Variants in RC3H1 observed in about 807,000 individuals in gnomAD.
The protein encoded by RC3H1 is roquin-1.
In RC3H1, 50 loss-of-function variants were observed where a neutral mutation model predicts 138.2. The ratio of observed to expected loss-of-function variants is 0.36; its 90% CI spans 0.29 to 0.46. The LOEUF is 0.46. RC3H1 is among the 20% of genes least tolerant of loss of function. The pLI is 1.00. For synonymous variants in RC3H1, 462 were observed against 489.1 expected (o/e 0.94, Z 0.73); for missense variants, 1,031 against 1,388.1 (o/e 0.74, Z 4.09).
In RC3H1 at chr1:173,947,595, C is replaced by T; in HGVS notation, c.2524-13G>A. On this transcript the variant is annotated splice_polypyrimidine_tract_variant and intron_variant, in intron 14 of 19. Transcript: ENST00000367696. ...TACTCTCCACATTCTGATAAAAAAG[C>T]AAAATGAGAAATTACCCCACACTCA... 6.2e-7 allele frequency: 1 copy of T among 1,607,746 alleles called. No homozygotes were observed. Among genetic ancestry groups the T allele is most frequent in the Non-Finnish European group, 8.5e-7 (1 of 1,174,616 alleles).
At chr1:173,979,711 C>T (rs1660726558) in intron 6 of RC3H1, among the ~76,000 whole-genome samples, 1 of 152,122 alleles carries the variant, frequency 6.6e-6, no homozygotes, top group South Asian at 2.1e-4. Flanking sequence ...GAAAGGTACT[C>T]CTCTAATAGA....
intron 1 of RC3H1, among the ~76,000 whole-genome samples, chr1:173,995,396 G>A (rs1030340167): frequency 2.6e-4 from 40 of 151,894 alleles, no homozygotes; most frequent in Non-Finnish European, 1.5e-5. Context: ...AGCCAGGCAT[G>A]GGGGCACAAT....
intron 1 of RC3H1, among the ~76,000 whole-genome samples, chr1:173,994,796 C>CA (rs984715226): frequency 0.14 from 9,322 of 66,572 alleles, 533 homozygotes; most frequent in East Asian, 0.47. Context: ...GACCCCATCT[C>CA]AAAAAAAAAA....
At chr1:173,973,240 C>G (rs1298193932) in intron 7 of RC3H1, among the ~76,000 whole-genome samples, 1 of 152,042 alleles carries the variant, frequency 6.6e-6, no homozygotes, top group Non-Finnish European at 1.5e-5. Flanking sequence ...AAACAAAAAG[C>G]TTAAAAAGTT....
At chr1:173,980,278 TGGG>T (rs1283861460) in intron 6 of RC3H1, among the ~76,000 whole-genome samples, 1 of 127,822 alleles carries the variant, frequency 7.8e-6, no homozygotes. Flanking sequence ...AAAAAAAAGG[TGGG>T]GGGGAATAGT....
intron 1 of RC3H1, among the ~76,000 whole-genome samples, chr1:174,010,790 T>C (rs911959732): frequency 6.6e-6 from 1 of 152,136 alleles, no homozygotes; most frequent in Non-Finnish European, 1.5e-5. Context: ...CATCAAATTC[T>C]TCCATGACAA....
At chr1:173,976,382 G>C (rs1310143657) in intron 7 of RC3H1, among the ~76,000 whole-genome samples, 1 of 151,946 alleles carries the variant, frequency 6.6e-6, no homozygotes, top group Non-Finnish European at 1.5e-5. Flanking sequence ...GCTTGAACCA[G>C]GCAGAGGTTG....
intron 18 of RC3H1, among the ~76,000 whole-genome samples, chr1:173,942,200 C>G (rs1658902875): frequency 2.6e-5 from 4 of 151,128 alleles, no homozygotes; most frequent in South Asian, 2.1e-4. Context: ...TGAGATCGTG[C>G]CACTGCACAC....
intron 17 of RC3H1, among the ~76,000 whole-genome samples, chr1:173,944,908 T>TC (rs1235901736): frequency 1.3e-5 from 2 of 151,942 alleles, no homozygotes; most frequent in Non-Finnish European, 2.9e-5. Context: ...TAACTTTTTT[T>TC]CCCCCCTAAA....
In RC3H1 at chr1:173,931,678, CT is replaced by C. The variant is rs919847551; in HGVS notation, c.*7042del. ...AAAACGGTCTATTTCAAATAGGGTT[CT>C]TTTTCCTACTCCAAAAGAACTCTCA... On this transcript the variant is annotated 3_prime_UTR_variant, in exon 20 of 20. Transcript: ENST00000367696. 1 of 152,096 alleles carries C rather than the reference CT, an allele frequency of 6.6e-6. No individual in the cohort carries two copies. Among genetic ancestry groups the C allele is most frequent in the Non-Finnish European group, 1.5e-5 (1 of 67,996 alleles). The allele number at this position is 152,096 out of a possible 1,614,324, so 9.4% of individuals were successfully genotyped here.
chr1:174,015,082 C>G (rs1450137384), intron 1 of RC3H1, among the ~76,000 whole-genome samples: 1 of 152,180 alleles, frequency 6.6e-6, no homozygotes, highest in Non-Finnish European at 1.5e-5. Flanking sequence ...GCCCTCCATC[C>G]TACCTATATG....
At chr1:174,021,478 TTTAAG>T (rs1661957011) in intron 1 of RC3H1, among the ~76,000 whole-genome samples, 1 of 151,460 alleles carries the variant, frequency 6.6e-6, no homozygotes, top group African/African-American at 2.4e-5. Flanking sequence ...TTTTGTTGCA[TTTAAG>T]TTTTTTGTTT....
At chr1:174,006,371 G>A (rs140263265) in intron 1 of RC3H1, among the ~76,000 whole-genome samples, 65 of 152,194 alleles carry the variant, frequency 4.3e-4, no homozygotes, top group African/African-American at 1.5e-3. Context: ...AAAGAAGGGC[G>A]TTTGACTGCC....
intron 7 of RC3H1, among the ~76,000 whole-genome samples, chr1:173,972,880 G>C (rs1571208234): frequency 6.6e-6 from 1 of 152,190 alleles, no homozygotes; most frequent in East Asian, 1.9e-4. Flanking sequence ...CCACACAATA[G>C]TGGTAACTGT....
rs1053388724 is a variant in RC3H1, at chr1:173,931,228, A to G, written c.*7493T>C. The stretch of plus-strand genomic sequence containing the variant: ...AAATACACACGTTCCTCATTAATTT[A>G]TCATTTAATATAAATGCTGACAGAA... On this transcript the variant is annotated 3_prime_UTR_variant, in exon 20 of 20. Transcript: ENST00000367696. 1.3e-5 allele frequency: 2 copies of G among 152,224 alleles called. No homozygotes were observed. The highest frequency in any genetic ancestry group is 2.1e-4 in the South Asian group (1 of 4,836). The allele number at this position is 152,224 out of a possible 1,614,324, so 9.4% of individuals were successfully genotyped here.
At chr1:174,008,013 C>A (rs1661684086) in intron 1 of RC3H1, among the ~76,000 whole-genome samples, 1 of 152,170 alleles carries the variant, frequency 6.6e-6, no homozygotes. Context: ...CATCACACAG[C>A]ATATGTGTCA....
chr1:173,987,575 T>G (rs1280660025), intron 2 of RC3H1, among the ~76,000 whole-genome samples: 3 of 152,198 alleles, frequency 2.0e-5, no homozygotes, highest in Non-Finnish European at 2.9e-5. Flanking sequence ...GTCTTAGAAT[T>G]AGCCATTTCT....
At chr1:173,963,320 T>G (rs1277470577) in intron 11 of RC3H1, among the ~76,000 whole-genome samples, 1 of 152,118 alleles carries the variant, frequency 6.6e-6, no homozygotes, top group Non-Finnish European at 1.5e-5. Flanking sequence ...TTTCTTCCAT[T>G]AAGTCTTTTT....
intron 2 of RC3H1, among the ~76,000 whole-genome samples, chr1:173,990,206 G>A (rs1045549892): frequency 1.8e-4 from 27 of 151,278 alleles, no homozygotes; most frequent in African/African-American, 6.1e-4. Flanking sequence ...GCCCCGAGTA[G>A]CTGGGATTAC....
Sources: gnomAD v4.1 joint callset for allele counts (sites outside exome capture counted in the v4.1 genomes callset) on GRCh38, gnomAD v4.1.1 for gene constraint, MANE v1.5 for transcripts, NCBI Gene and HGNC (gene_info 2026-07-23, HGNC 2026-07-21) for gene names.